Variants in TYW1 observed in about 807,000 individuals in gnomAD.
TYW1 encodes S-adenosyl-L-methionine-dependent tRNA 4-demethylwyosine synthase TYW1.
A neutral mutation model predicts 96.2 loss-of-function variants in TYW1; 46 were observed. That is an observed-to-expected ratio of 0.48 (90% CI 0.38 to 0.61). The LOEUF is 0.61. Among genes scored for constraint, TYW1 ranks in the 20% least tolerant of loss-of-function variants. The pLI, the probability that TYW1 is intolerant of heterozygous loss-of-function variation, is 0.00. For synonymous variants in TYW1, 274 were observed against 323.0 expected (o/e 0.85, Z 1.63); for missense variants, 684 against 909.6 (o/e 0.75, Z 3.19).
intron 13 of TYW1, among the ~76,000 whole-genome samples, chr7:67,163,888 C>T (rs575976423): frequency 8.5e-5 from 13 of 152,118 alleles, no homozygotes; most frequent in African/African-American, 2.6e-4. Flanking sequence ...AGGCTGGTCT[C>T]GAACTCCTGA....
intron 14 of TYW1, among the ~76,000 whole-genome samples, chr7:67,188,953 G>T (rs11976638): frequency 2.6e-5 from 4 of 152,092 alleles, no homozygotes; most frequent in African/African-American, 9.7e-5. Flanking sequence ...ATGTGTATGT[G>T]TGTGCATTCA....
intron 14 of TYW1, among the ~76,000 whole-genome samples, chr7:67,194,498 G>A (rs996467658): frequency 1.3e-5 from 2 of 152,120 alleles, no homozygotes; most frequent in African/African-American, 2.4e-5. Flanking sequence ...GGTGGCAGGC[G>A]CCTGTAATCC....
intron 6 of TYW1, among the ~76,000 whole-genome samples, chr7:67,023,419 G>C (rs1479108308): frequency 6.6e-6 from 1 of 151,934 alleles, no homozygotes; most frequent in African/African-American, 2.4e-5. Context: ...AGTGACCCTT[G>C]AGTTACTGAG....
intron 13 of TYW1, among the ~76,000 whole-genome samples, chr7:67,173,724 A>G (rs1331124353): frequency 1.3e-5 from 2 of 148,754 alleles, no homozygotes; most frequent in Non-Finnish European, 3.0e-5. Flanking sequence ...TATTAATGGG[A>G]AAGCTTCCAG....
chr7:67,059,677 G>A (rs188050731), intron 9 of TYW1, among the ~76,000 whole-genome samples: 1 of 150,134 alleles, frequency 6.7e-6, no homozygotes, highest in East Asian at 2.0e-4. Flanking sequence ...CTTAACATTA[G>A]TGATTCCATT....
chr7:67,038,846 G>C (rs1012086374), intron 7 of TYW1, among the ~76,000 whole-genome samples: 1 of 152,306 alleles, frequency 6.6e-6, no homozygotes, highest in South Asian at 2.1e-4. Flanking sequence ...AGAGGTTGCA[G>C]TGAGCCAAGA....
chr7:67,067,269 T>C lies in TYW1; in HGVS notation c.1156-16T>C. ...TGACAATTTTATTCAAATTGTGATTTGTTTACTTGTCATAGTCCATGCTCC... is the reference window on the plus strand; with the variant it reads ...TGACAATTTTATTCAAATTGTGATTCGTTTACTTGTCATAGTCCATGCTCC... On this transcript the variant is annotated splice_polypyrimidine_tract_variant and intron_variant, in intron 9 of 15. Coordinates refer to ENST00000359626, the MANE Select transcript of TYW1 (RefSeq NM_018264.4). The C allele has an allele frequency of 6.2e-7, 1 of 1,612,902 alleles. No homozygotes were observed. Among genetic ancestry groups the C allele is most frequent in the Non-Finnish European group, 8.5e-7 (1 of 1,178,942 alleles).
rs557711618 is a variant in TYW1 at position 67,075,630 on chromosome 7, G to A, written c.1275-7800G>A. On this transcript the variant is annotated intron_variant, in intron 10 of 15. Transcript: ENST00000359626. Reference sequence around the variant, plus strand: ...TGAAAGAAGCCGATCACAACAGGCTGCATCTATAGTAAGATTGCATTTCTG... The same window carrying A: ...TGAAAGAAGCCGATCACAACAGGCTACATCTATAGTAAGATTGCATTTCTG... Among the ~76,000 whole-genome samples the A allele has an allele frequency of 4.1e-4, 63 of 152,314 alleles. 1 individual carries two copies. The highest frequency in any genetic ancestry group is 3.4e-3 in the Middle Eastern group (1 of 294).
At chr7:67,175,197 G>A (rs1178536514) in intron 13 of TYW1, among the ~76,000 whole-genome samples, 1 of 134,298 alleles carries the variant, frequency 7.4e-6, no homozygotes, top group Admixed American at 7.4e-5. Flanking sequence ...TTGAGATGGA[G>A]TTTTGCTCTT....
intron 12 of TYW1, among the ~76,000 whole-genome samples, chr7:67,108,088 G>A (rs1797295304): frequency 6.6e-6 from 1 of 152,042 alleles, no homozygotes; most frequent in South Asian, 2.1e-4. Flanking sequence ...TGTTGGCCAG[G>A]CTGGTCTCAA....
intron 13 of TYW1, among the ~76,000 whole-genome samples, chr7:67,180,248 A>T (rs1190042445): frequency 1.5e-5 from 2 of 131,026 alleles, no homozygotes; most frequent in East Asian, 3.9e-4. Context: ...GCTTGGTTCC[A>T]GATTCCACAT....
At chr7:67,062,228 G>A (rs1182931310) in intron 9 of TYW1, among the ~76,000 whole-genome samples, 1 of 152,004 alleles carries the variant, frequency 6.6e-6, no homozygotes, top group Non-Finnish European at 1.5e-5. Context: ...GGCCAATATG[G>A]TGAAACCCTG....
Position 67,055,885 on chromosome 7 carries a change from A to T in TYW1, c.1153A>T (p.Lys385Ter), listed in dbSNP as rs1352368448. 6.2e-7 allele frequency: 1 copy of T among 1,612,412 alleles called. No individual in the cohort carries two copies. The highest frequency in any genetic ancestry group is 8.5e-7 in the Non-Finnish European group (1 of 1,179,240). The change falls in exon 9 of 16, where the codon AAG becomes TAG. Residue 385 changes from lysine (K) to a stop codon, truncating the protein, a stop_gained and splice_region_variant. Transcript: ENST00000359626. LOFTEE classifies it high-confidence loss of function. ...GGGGGTGAAGCTTTGCAGGTGGACA[A>T]AGGTATTTTTTTTGTTTTTATTCAA... ...HSGVKLCRWT[K>*]SMLRGRGGCY...
At chr7:67,201,014 A>G (rs1289820813) in intron 15 of TYW1, among the ~76,000 whole-genome samples, 1 of 152,060 alleles carries the variant, frequency 6.6e-6, no homozygotes, top group African/African-American at 2.4e-5. Flanking sequence ...ATGGCATCCT[A>G]AATGTCATTT....
At chr7:67,095,106 C>T (rs1217747073) in intron 11 of TYW1, among the ~76,000 whole-genome samples, 1 of 151,892 alleles carries the variant, frequency 6.6e-6, no homozygotes, top group Non-Finnish European at 1.5e-5. Context: ...TCAAGTGATT[C>T]TTCTGCCTCA....
At chr7:67,049,518 C>T (rs1795293336) in intron 7 of TYW1, among the ~76,000 whole-genome samples, 1 of 151,772 alleles carries the variant, frequency 6.6e-6, no homozygotes, top group Non-Finnish European at 1.5e-5. Flanking sequence ...TCATAACAGC[C>T]CTTTTTAAAA....
intron 13 of TYW1, among the ~76,000 whole-genome samples, chr7:67,140,469 G>A (rs1798415079): frequency 1.3e-5 from 2 of 151,956 alleles, no homozygotes; most frequent in African/African-American, 4.8e-5. Context: ...TTTAAAGTTG[G>A]TACTAAAATG....
intron 7 of TYW1, among the ~76,000 whole-genome samples, chr7:67,033,081 G>T (rs1794724047): frequency 6.6e-6 from 1 of 151,704 alleles, no homozygotes; most frequent in African/African-American, 2.4e-5. Flanking sequence ...AATTTTAGTA[G>T]AGATGGAGTT....
intron 15 of TYW1, among the ~76,000 whole-genome samples, chr7:67,202,887 A>G (rs1800647117): frequency 1.3e-5 from 2 of 152,214 alleles, no homozygotes; most frequent in South Asian, 2.1e-4. Context: ...GGTCTCAGGT[A>G]CCCTTCATGT....
Sources: allele counts gnomAD v4.1 joint callset (sites outside exome capture counted in the v4.1 genomes callset), GRCh38; gene constraint gnomAD v4.1.1; transcripts MANE v1.5; gene names NCBI Gene and HGNC (gene_info 2026-07-23, HGNC 2026-07-21).